RELN: variants seen among roughly 807,000 people sequenced by gnomAD.
RELN encodes reelin.
A neutral mutation model predicts 427.6 loss-of-function variants in RELN; 108 were observed. That is an observed-to-expected ratio of 0.25 (90% CI 0.22 to 0.30). The LOEUF (loss-of-function observed/expected upper bound fraction) is 0.30. Among genes scored for constraint, RELN ranks in the 10% least tolerant of loss-of-function variants. The pLI, the probability that RELN is intolerant of heterozygous loss-of-function variation, is 1.00. For synonymous variants in RELN, 1,524 were observed against 1,513.4 expected (o/e 1.01, Z -0.16); for missense variants, 3,715 against 4,302.8 (o/e 0.86, Z 3.82).
chr7:103,895,604 T>C lies in RELN; in HGVS notation c.337+21471A>G, dbSNP rs77231525. ...TAAAGATGATGCTACATCATGAAAATGGTCCTGATTTTTTTTTAAACAGGC... is the reference window on the plus strand; with the variant it reads ...TAAAGATGATGCTACATCATGAAAACGGTCCTGATTTTTTTTTAAACAGGC... On this transcript the variant is annotated intron_variant, in intron 2 of 64. Coordinates refer to ENST00000428762, the MANE Select transcript of RELN (RefSeq NM_005045.4). Among the ~76,000 whole-genome samples the C allele has an allele frequency of 1.8e-3, 267 of 152,182 alleles. 1 individual carries two copies. Among genetic ancestry groups the C allele is most frequent in the East Asian group, 0.013 (67 of 5,178 alleles).
Position 103,611,743 on chromosome 7 carries a change from C to A in RELN, c.2763G>T (p.Gln921His). The A allele has an allele frequency of 6.2e-7, 1 of 1,613,616 alleles. No homozygotes were observed. The highest frequency in any genetic ancestry group is 8.5e-7 in the Non-Finnish European group (1 of 1,179,588). ...ACTGAATCATATAGGATGCTCCTAT[C>A]TGCATTGATTGTGTTTCCACATAGC... ...SMRYVETQSM[Q>H]IGASYMIQFS... is the part of the protein sequence containing the mutation. Residue 921 changes from glutamine to histidine, a missense_variant, in exon 21 of 65, where the codon CAG becomes CAT. Gln to His is a conservative substitution (Grantham distance 24, BLOSUM62 0). Transcript: ENST00000428762.
chr7:103,610,625 A>T (rs1020040560), intron 22 of RELN, 70 bp downstream of exon 22: 2 of 819,414 alleles, frequency 2.4e-6, no homozygotes, highest in African/African-American at 3.3e-5. Flanking sequence ...TTGAATCAAT[A>T]GAGACAGAAT....
chr7:103,865,148 A>G (rs1322104394), intron 2 of RELN, among the ~76,000 whole-genome samples: 3 of 150,600 alleles, frequency 2.0e-5, no homozygotes, highest in Admixed American at 1.3e-4. Context: ...AAAAAAAAAA[A>G]AAAAAAAGAA....
chr7:103,612,502 C>T (rs1241139819), intron 20 of RELN, among the ~76,000 whole-genome samples: 9 of 151,834 alleles, frequency 5.9e-5, no homozygotes, highest in East Asian at 1.9e-4. Context: ...CTCGAACTCC[C>T]GACCTCAGGT....
At chr7:103,906,089 G>C (rs1415203897) in intron 2 of RELN, among the ~76,000 whole-genome samples, 1 of 152,070 alleles carries the variant, frequency 6.6e-6, no homozygotes, top group Non-Finnish European at 1.5e-5. Flanking sequence ...ATATGTAGTG[G>C]GAGTAGGTGT....
At chr7:103,954,457 T>C (rs983934213) in intron 1 of RELN, among the ~76,000 whole-genome samples, 39 of 151,954 alleles carry the variant, frequency 2.6e-4, no homozygotes, top group African/African-American at 8.2e-4. Context: ...TGTGTGTGTG[T>C]GCACACACAT....
At chr7:103,809,999 T>C (rs950875685) in intron 3 of RELN, among the ~76,000 whole-genome samples, 2 of 152,204 alleles carry the variant, frequency 1.3e-5, no homozygotes, top group African/African-American at 4.8e-5. Context: ...TCCTAAATTA[T>C]ACAAATTCCA....
At chr7:103,848,956 C>T (rs904104229) in intron 2 of RELN, among the ~76,000 whole-genome samples, 1 of 152,178 alleles carries the variant, frequency 6.6e-6, no homozygotes, top group African/African-American at 2.4e-5. Flanking sequence ...AGTCAATCTA[C>T]TTGATGAACA....
At position 103,661,261 on chromosome 7, in the gene RELN, C is replaced by T. The variant is rs970639213; in HGVS notation, c.1441+115G>A. 3.1e-5 allele frequency: 37 copies of T among 1,177,720 alleles called. No individual in the cohort carries two copies. In the East Asian group the frequency reaches 3.8e-4, roughly 12 times the overall value. The allele number at this position is 1,177,720 out of a possible 1,614,324, so 73.0% of individuals were successfully genotyped here. On this transcript the variant is annotated intron_variant, in intron 12 of 64. Transcript: ENST00000428762. ...GCTTCTGCTCTGTCTGGAGAGCTCACGTTTCATGAATTTTCATTTTACGTA... is the reference window on the plus strand; with the variant it reads ...GCTTCTGCTCTGTCTGGAGAGCTCATGTTTCATGAATTTTCATTTTACGTA...
intron 4 of RELN, among the ~76,000 whole-genome samples, chr7:103,758,909 C>T (rs548243378): frequency 3.3e-4 from 50 of 151,934 alleles, no homozygotes; most frequent in Admixed American, 2.9e-3. Context: ...CAGCAACATT[C>T]TAAGTCTTTC....
chr7:103,500,620 T>G, intron 53 of RELN, 125 bp downstream of exon 53: 2 of 877,834 alleles, frequency 2.3e-6, no homozygotes, highest in Non-Finnish European at 3.6e-6. Context: ...AAGTTTCTAT[T>G]CAAAGGATTT....
chr7:103,751,669 G>A (rs1261242722), intron 5 of RELN, among the ~76,000 whole-genome samples: 3 of 152,234 alleles, frequency 2.0e-5, no homozygotes, highest in Non-Finnish European at 2.9e-5. Flanking sequence ...GGGCCACTGC[G>A]GGTCACCAGC....
intron 2 of RELN, among the ~76,000 whole-genome samples, chr7:103,891,967 A>AGGAAGAAT (rs1387490603): frequency 6.6e-6 from 1 of 152,194 alleles, no homozygotes; most frequent in Non-Finnish European, 1.5e-5. Flanking sequence ...GTAGGGTAAG[A>AGGAAGAAT]GGAAGAATGT....
At position 103,540,285 on chromosome 7, in the gene RELN, G is replaced by A. The variant is rs780950214; in HGVS notation, c.6842C>T (p.Pro2281Leu). ...NVGRYIALEI[P>L]LKARSGSTRL... Reference sequence around the variant, plus strand: ...AGTAGAACCAGAACGGGCTTTCAAGGGTATCTCCAGGGCAATGTACCTGCC... The same window carrying A: ...AGTAGAACCAGAACGGGCTTTCAAGAGTATCTCCAGGGCAATGTACCTGCC... The change falls in exon 44 of 65, where the codon CCC becomes CTC. Residue 2281 changes from proline (P) to leucine (L), a missense_variant. Coordinates refer to ENST00000428762, the MANE Select transcript of RELN (RefSeq NM_005045.4). 5 of 1,614,008 alleles carry A rather than the reference G, an allele frequency of 3.1e-6. No homozygotes were observed. The African/African-American group carries it at 5.3e-5, about 17-fold the overall frequency.
intron 4 of RELN, among the ~76,000 whole-genome samples, chr7:103,756,683 C>T (rs1178242196): frequency 6.6e-6 from 1 of 152,170 alleles, no homozygotes; most frequent in African/African-American, 2.4e-5. Flanking sequence ...GGAGCTTCAA[C>T]ACCAAGTCAG....
At chr7:103,862,411 CTATCTA>C (rs1794091510) in intron 2 of RELN, among the ~76,000 whole-genome samples, 3 of 53,406 alleles carry the variant, frequency 5.6e-5, no homozygotes, top group African/African-American at 1.5e-4. Flanking sequence ...TGCTTTTGTT[CTATCTA>C]TCTATCTATC....
Position 103,603,097 on chromosome 7 carries a change from C to T in RELN, c.3333+207G>A, listed in dbSNP as rs1295759257. Reference sequence around the variant, plus strand: ...GGTAGAAGTTTTAAACTGGCTTAACCTGATTTTTTAGTAACCAAAAAGAGT... The same window carrying T: ...GGTAGAAGTTTTAAACTGGCTTAACTTGATTTTTTAGTAACCAAAAAGAGT... On this transcript the variant is annotated intron_variant, in intron 24 of 64. Transcript: ENST00000428762. This position sits in a 1 kb window ranked among gnomAD's most constrained non-coding sequence, Gnocchi z 4.3. 1.3e-5 allele frequency among the ~76,000 whole-genome samples: 2 copies of T among 152,144 alleles called. No homozygotes were observed. The highest frequency in any genetic ancestry group is 2.4e-5 in the African/African-American group (1 of 41,428).
intron 20 of RELN, among the ~76,000 whole-genome samples, chr7:103,615,515 A>G (rs1369833238): frequency 1.3e-5 from 2 of 152,126 alleles, no homozygotes; most frequent in Admixed American, 6.5e-5. Flanking sequence ...ACAGAAGCAC[A>G]TTGTTTTGGA....
intron 28 of RELN, 132 bp downstream of exon 28, chr7:103,589,464 G>A (rs1831358588): frequency 1.4e-6 from 1 of 704,496 alleles, no homozygotes; most frequent in Non-Finnish European, 2.5e-6. Flanking sequence ...ATAAATAAAT[G>A]TTTTAAAAAT....
Sources: allele counts gnomAD v4.1 joint callset (sites outside exome capture counted in the v4.1 genomes callset), GRCh38; gene constraint gnomAD v4.1.1; non-coding constraint Gnocchi (gnomAD v3.1); transcripts MANE v1.5; gene names NCBI Gene and HGNC (gene_info 2026-07-23, HGNC 2026-07-21).